ARHGEF12: variants seen among roughly 807,000 people sequenced by gnomAD.
ARHGEF12 encodes the protein KMT2A/ARHGEF12 fusion protein.
A neutral mutation model predicts 211.2 loss-of-function variants in ARHGEF12; 66 were observed. The ratio of observed to expected loss-of-function variants is 0.31; its 90% confidence interval spans 0.26 to 0.38. The LOEUF is 0.38. Among genes scored for constraint, ARHGEF12 ranks in the 10% least tolerant of loss-of-function variants. ARHGEF12 has a pLI of 1.00. For missense variants in ARHGEF12, 1,429 were observed against 1,869.5 expected (o/e 0.76, Z 4.34); for synonymous variants, 592 against 638.4 (o/e 0.93, Z 1.09).
At chr11:120,446,064 G>C (rs913551036) in intron 16 of ARHGEF12, among the ~76,000 whole-genome samples, 27 of 151,764 alleles carry the variant, frequency 1.8e-4, no homozygotes, top group African/African-American at 5.8e-4. Flanking sequence ...TGGGCGTGGT[G>C]GCGGGCGCCT....
In ARHGEF12 at chr11:120,421,847, A is replaced by G. The variant is rs1469528640; in HGVS notation, c.343A>G (p.Ile115Val). The G allele has an allele frequency of 6.2e-7, 1 of 1,611,490 alleles. No individual in the cohort carries two copies. Among genetic ancestry groups the G allele is most frequent in the South Asian group, 1.1e-5 (1 of 90,510 alleles). ...TGGAGTACAGACAGGTGATCGAATC[A>G]TCAAGGTAAGGAATAGGCTATTATA... is the stretch of plus-strand genomic sequence containing the variant. The part of the protein sequence containing the change: ...RAGVQTGDRI[I>V]KVNGTLVTHS... The change falls in exon 6 of 41, where the codon ATC (isoleucine) becomes GTC (valine). Residue 115 changes from isoleucine (I) to valine (V), a missense_variant. Ile to Val is a conservative substitution (Grantham distance 29, BLOSUM62 3). Coordinates refer to ENST00000397843, the MANE Select transcript of ARHGEF12 (RefSeq NM_015313.3).
rs1329898821 is a variant in ARHGEF12, at chr11:120,485,902, G to A, written c.*825G>A. 4.3e-6 allele frequency: 1 copy of A among 233,436 alleles called. No homozygotes were observed. Among genetic ancestry groups the A allele is most frequent in the Non-Finnish European group, 8.5e-6 (1 of 117,948 alleles). 14.5% of individuals were successfully genotyped at this position (233,436 alleles called of 1,614,324 possible). ...CTTTTCTATTGAGGGTTGGGATTTG[G>A]GTGGGAGAGGAAAGCAAATTTTATT... On this transcript the variant is annotated 3_prime_UTR_variant, in exon 41 of 41. Transcript: ENST00000397843.
intron 1 of ARHGEF12, among the ~76,000 whole-genome samples, chr11:120,344,582 G>A (rs1229479723): frequency 6.6e-6 from 1 of 152,162 alleles, no homozygotes; most frequent in Non-Finnish European, 1.5e-5. Flanking sequence ...GAGATTGTTG[G>A]TGGCATATGC....
At chr11:120,354,576 G>T (rs149480252) in intron 1 of ARHGEF12, among the ~76,000 whole-genome samples, 3 of 152,176 alleles carry the variant, frequency 2.0e-5, no homozygotes, top group Non-Finnish European at 4.4e-5. Flanking sequence ...GAGAAAAATT[G>T]CTTAAGAGAT....
Position 120,444,625 on chromosome 11 carries a change from T to C in ARHGEF12, c.1303-797T>C, listed in dbSNP as rs144899678. 3.7e-3 allele frequency among the ~76,000 whole-genome samples: 569 copies of C among 152,342 alleles called. 2 individuals are homozygous for C. The highest frequency in any genetic ancestry group is 0.013 in the African/African-American group (553 of 41,586). ...AACTTCAGATCTTATAGGATGTGTTTAAATTCTGAAATTGTATGACTTAAA... is the reference window on the plus strand; with the variant it reads ...AACTTCAGATCTTATAGGATGTGTTCAAATTCTGAAATTGTATGACTTAAA... On this transcript the variant is annotated intron_variant, in intron 15 of 40. Coordinates refer to ENST00000397843, the MANE Select transcript of ARHGEF12 (RefSeq NM_015313.3).
intron 1 of ARHGEF12, among the ~76,000 whole-genome samples, chr11:120,361,910 C>G (rs1178429508): frequency 1.3e-5 from 2 of 152,180 alleles, no homozygotes; most frequent in Non-Finnish European, 2.9e-5. Context: ...GAAATTTTTC[C>G]TGCAGCTCAA....
At chr11:120,390,566 A>T (rs1214180061) in intron 1 of ARHGEF12, among the ~76,000 whole-genome samples, 1 of 152,120 alleles carries the variant, frequency 6.6e-6, no homozygotes, top group Non-Finnish European at 1.5e-5. Flanking sequence ...ATTGTGTAGG[A>T]TTGGGAGTTC....
At chr11:120,406,631 T>C (rs184585141) in intron 2 of ARHGEF12, among the ~76,000 whole-genome samples, 2 of 152,346 alleles carry the variant, frequency 1.3e-5, no homozygotes, top group African/African-American at 4.8e-5. Flanking sequence ...CGATCTCAGC[T>C]CACTGCAAGC....
rs114490512 is a variant in ARHGEF12 at position 120,392,094 on chromosome 11, G to A, written c.33-14024G>A. Among the ~76,000 whole-genome samples the A allele has an allele frequency of 2.5e-3, 388 of 152,234 alleles. 2 individuals are homozygous for A. Among genetic ancestry groups the A allele is most frequent in the African/African-American group, 8.5e-3 (351 of 41,526 alleles). On this transcript the variant is annotated intron_variant, in intron 1 of 40. Transcript: ENST00000397843. ...TAGCTGGCCCCTGTCTACTTCTGTGGATCTCATTTCAGCACTACTTTACTA... is the reference window on the plus strand; with the variant it reads ...TAGCTGGCCCCTGTCTACTTCTGTGAATCTCATTTCAGCACTACTTTACTA...
chr11:120,462,304 C>G (rs1165187763), intron 27 of ARHGEF12, among the ~76,000 whole-genome samples: 1 of 152,114 alleles, frequency 6.6e-6, no homozygotes, highest in Non-Finnish European at 1.5e-5. Flanking sequence ...GTGGGGCGGT[C>G]AGAACACACA....
rs1426686598 is a variant in ARHGEF12, at chr11:120,337,190, T to C, written c.-54T>C. Reference sequence around the variant, plus strand: ...CAGAGCACTGGGGGTGGGGAGGAGGTGTTACTGTAAAATGCAAGTTGGATA... The same window carrying C: ...CAGAGCACTGGGGGTGGGGAGGAGGCGTTACTGTAAAATGCAAGTTGGATA... On this transcript the variant is annotated 5_prime_UTR_variant, in exon 1 of 41. Transcript: ENST00000397843. 1 of 1,607,912 alleles carries C rather than the reference T, an allele frequency of 6.2e-7. No individual in the cohort carries two copies. The highest frequency in any genetic ancestry group is 1.7e-5 in the Admixed American group (1 of 59,852).
At chr11:120,337,521 T>C in intron 1 of ARHGEF12, 1 of 985,374 alleles carries the variant, frequency 1.0e-6, no homozygotes, top group Non-Finnish European at 1.2e-6. Flanking sequence ...AAAACCATGA[T>C]TGTGGTTTTC....
chr11:120,373,409 T>C (rs1943640623), intron 1 of ARHGEF12, among the ~76,000 whole-genome samples: 1 of 152,248 alleles, frequency 6.6e-6, no homozygotes, highest in Non-Finnish European at 1.5e-5. Context: ...TACAATGTTC[T>C]ATATAATATT....
At chr11:120,379,602 T>G (rs1367254823) in intron 1 of ARHGEF12, among the ~76,000 whole-genome samples, 6 of 152,050 alleles carry the variant, frequency 3.9e-5, no homozygotes, top group Non-Finnish European at 7.4e-5. Context: ...TAACAGATAT[T>G]GAATTTAGTC....
intron 4 of ARHGEF12, among the ~76,000 whole-genome samples, chr11:120,412,058 G>A (rs1352310276): frequency 2.0e-5 from 3 of 152,040 alleles, no homozygotes; most frequent in East Asian, 1.9e-4. Context: ...TGCCCAGTGC[G>A]GTCAGTTGGT....
chr11:120,379,336 T>C (rs1687573762), intron 1 of ARHGEF12, among the ~76,000 whole-genome samples: 1 of 152,076 alleles, frequency 6.6e-6, no homozygotes, highest in South Asian at 2.1e-4. Flanking sequence ...GAGTTTTCCA[T>C]AATGTCATGT....
At chr11:120,370,486 A>C (rs1943559126) in intron 1 of ARHGEF12, among the ~76,000 whole-genome samples, 1 of 152,096 alleles carries the variant, frequency 6.6e-6, no homozygotes, top group South Asian at 2.1e-4. Flanking sequence ...TTTTGGGATC[A>C]GCTTGTCAGG....
At chr11:120,345,717 A>AC (rs1384647031) in intron 1 of ARHGEF12, among the ~76,000 whole-genome samples, 3 of 151,422 alleles carry the variant, frequency 2.0e-5, no homozygotes, top group African/African-American at 4.9e-5. Flanking sequence ...AAAAAAAAAA[A>AC]AAAACGAAAT....
chr11:120,467,071 A>G, intron 28 of ARHGEF12, 123 bp from the exon 29 acceptor site: 1 of 616,074 alleles, frequency 1.6e-6, no homozygotes, highest in Non-Finnish European at 2.8e-6. Flanking sequence ...ATATCTTGGC[A>G]TTTTTTAAAG....
Sources: gnomAD v4.1 joint callset for allele counts (sites outside exome capture counted in the v4.1 genomes callset) on GRCh38, gnomAD v4.1.1 for gene constraint, MANE v1.5 for transcripts, NCBI Gene and HGNC (gene_info 2026-07-23, HGNC 2026-07-21) for gene names.